Variants in ACSL5 observed in about 807,000 individuals in gnomAD.
The protein encoded by ACSL5 is long-chain-fatty-acid--CoA ligase 5.
ACSL5 carries 50 observed loss-of-function variants against 84.9 expected under a neutral mutation model. The observed-to-expected ratio is 0.59, with a 90% CI of 0.47 to 0.75. The LOEUF is 0.75. Among genes scored for constraint, ACSL5 ranks in the 30% least tolerant of loss-of-function variants. ACSL5 has a pLI of 0.00. For missense variants in ACSL5, 775 were observed against 830.4 expected (o/e 0.93, Z 0.82); for synonymous variants, 280 against 300.7 (o/e 0.93, Z 0.71).
At chr10:112,411,627 T>TATAC in intron 10 of ACSL5, 98 bp downstream of exon 10, 1 of 820,982 alleles carries the variant, frequency 1.2e-6, no homozygotes, top group Non-Finnish European at 1.9e-6. Context: ...CACACACACA[T>TATAC]ACACACACAC....
chr10:112,421,325 AT>A (rs1290858937), intron 14 of ACSL5, among the ~76,000 whole-genome samples: 1 of 150,084 alleles, frequency 6.7e-6, no homozygotes, highest in African/African-American at 2.5e-5. Flanking sequence ...TGCCCAGCTA[AT>A]TTTTTTTGTG....
intron 12 of ACSL5, among the ~76,000 whole-genome samples, chr10:112,415,739 T>A (rs1192519606): frequency 6.6e-6 from 1 of 152,234 alleles, no homozygotes; most frequent in Non-Finnish European, 1.5e-5. Context: ...AATGGGGTTA[T>A]AAACATGGAA....
At chr10:112,424,856 T>C (rs1844608609) in intron 17 of ACSL5, 2 of 152,464 alleles carry the variant, frequency 1.3e-5, no homozygotes, top group South Asian at 4.1e-4. Context: ...GTAATTGAGT[T>C]GCTTGATTAG....
chr10:112,426,611 G>T, intron 19 of ACSL5, 177 bp from the exon 20 acceptor site: 1 of 638,886 alleles, frequency 1.6e-6, no homozygotes, highest in Non-Finnish European at 2.7e-6. Flanking sequence ...TTAACACTTA[G>T]ATGTGCCTTT....
At chr10:112,415,815 C>T (rs1844301179) in intron 12 of ACSL5, among the ~76,000 whole-genome samples, 1 of 152,170 alleles carries the variant, frequency 6.6e-6, no homozygotes, top group Non-Finnish European at 1.5e-5. Flanking sequence ...TTGAATCTGA[C>T]TTCCAGTAGG....
chr10:112,424,641 G>T (rs928404365), intron 17 of ACSL5: 1 of 152,224 alleles, frequency 6.6e-6, no homozygotes, highest in African/African-American at 2.4e-5. Flanking sequence ...AGTCGGCCTT[G>T]TGATAGTTCC....
rs201347320 is a variant in ACSL5 at position 112,408,412 on chromosome 10, C to T, written c.433-10C>T. 188 of 1,583,628 alleles carry T rather than the reference C, an allele frequency of 1.2e-4. 1 individual carries two copies. The African/African-American group carries it at 2.2e-3, about 18-fold the overall frequency. On this transcript the variant is annotated splice_polypyrimidine_tract_variant and intron_variant, in intron 5 of 20. Transcript: ENST00000354655. ...CCCTCCAGTCCTTACTTGAACTTCT[C>T]TCTGTACAGTGGATCATCTCCGAAT...
At chr10:112,385,130 C>A (rs778441596) in intron 1 of ACSL5, among the ~76,000 whole-genome samples, 10 of 152,182 alleles carry the variant, frequency 6.6e-5, no homozygotes, top group African/African-American at 1.2e-4. Context: ...AATACATGAA[C>A]CTGCGTGCCA....
intron 3 of ACSL5, among the ~76,000 whole-genome samples, 161 bp downstream of exon 3, chr10:112,399,170 G>A (rs887092301): frequency 2.6e-5 from 4 of 152,154 alleles, no homozygotes; most frequent in Non-Finnish European, 5.9e-5. Flanking sequence ...ATAGTATTAG[G>A]ATGGGCGTTG....
Position 112,411,541 on chromosome 10 carries a change from GTTGAAAAAGAGGCTCTCATTAAAA to G in ACSL5, c.870+14_870+37del, listed in dbSNP as rs766426236. 2.9e-5 allele frequency: 46 copies of G among 1,608,406 alleles called. 1 individual carries two copies. The East Asian group carries it at 9.6e-4, about 34-fold the overall frequency. ...TCAAATGTGTGGAGGTCAGTGGTCA[GTTGAAAAAGAGGCTCTCATTAAAA>G]TGTGAATCTGTCATAAGATTTTTAT... On this transcript the variant is annotated intron_variant, in intron 10 of 20. Transcript: ENST00000354655.
At chr10:112,412,097 G>A in intron 11 of ACSL5, 118 bp downstream of exon 11, 2 of 1,084,442 alleles carry the variant, frequency 1.8e-6, no homozygotes, top group Non-Finnish European at 1.4e-6. Context: ...GAGAGGTGCA[G>A]GCAAGGAGTT....
At chr10:112,375,191 G>A (rs1001812192) in intron 1 of ACSL5, 3 of 152,188 alleles carry the variant, frequency 2.0e-5, no homozygotes, top group Non-Finnish European at 2.9e-5. Context: ...CTCTCCTCTA[G>A]AGGAAGTTGC....
rs1310516510 is a variant in ACSL5 at position 112,427,240 on chromosome 10, C to T, written c.1934C>T (p.Pro645Leu). Residue 645 changes from proline to leucine, a missense_variant, in exon 21 of 21, where the codon CCA (proline) becomes CTA (leucine). By Grantham distance (98) the Pro-to-Leu change is moderately conservative. Transcript: ENST00000354655. Reference protein sequence around the residue: ...FEQVKAIFLHPEPFSIENGLL... With the variant: ...FEQVKAIFLHLEPFSIENGLL... The stretch of plus-strand genomic sequence containing the variant: ...CAGGTCAAAGCCATTTTTCTTCATC[C>T]AGAGCCATTTTCCATTGAAAATGGG... 3.7e-6 allele frequency: 6 copies of T among 1,612,156 alleles called. No homozygotes were observed. The highest frequency in any genetic ancestry group is 5.1e-6 in the Non-Finnish European group (6 of 1,179,380).
Position 112,427,779 on chromosome 10 carries a change from A to C in ACSL5, c.*421A>C, listed in dbSNP as rs1028608060. 6.5e-6 allele frequency: 1 copy of C among 153,658 alleles called. No individual in the cohort carries two copies. Among genetic ancestry groups the C allele is most frequent in the Non-Finnish European group, 1.4e-5 (1 of 69,104 alleles). 9.5% of individuals were successfully genotyped at this position (153,658 alleles called of 1,614,324 possible). On this transcript the variant is annotated 3_prime_UTR_variant, in exon 21 of 21. Coordinates refer to ENST00000354655, the MANE Select transcript of ACSL5 (RefSeq NM_203379.2). ...TGCTTATTTACATCTTCTACTGTTC[A>C]AACTAAGAGATTTTTAAATTCTGAA...
At chr10:112,410,041 C>T (rs112635889) in intron 7 of ACSL5, 9 of 357,790 alleles carry the variant, frequency 2.5e-5, no homozygotes, top group African/African-American at 8.9e-5. Flanking sequence ...TCTCTCGGTC[C>T]GTAAAATGGT....
intron 1 of ACSL5, among the ~76,000 whole-genome samples, chr10:112,387,462 T>A (rs945191333): frequency 5.9e-5 from 9 of 152,204 alleles, no homozygotes; most frequent in African/African-American, 1.9e-4. Context: ...TTTGGGTTTG[T>A]CTAGAAATAC....
chr10:112,417,209 A>AAAAAAAAC (rs1424566846), intron 13 of ACSL5, among the ~76,000 whole-genome samples, 187 bp downstream of exon 13: 1 of 150,722 alleles, frequency 6.6e-6, no homozygotes, highest in Non-Finnish European at 1.5e-5. Context: ...TTTAAAAAAA[A>AAAAAAAAC]AAAAAAAAGC....
At chr10:112,422,554 AG>A (rs1844493051) in intron 17 of ACSL5, 113 bp downstream of exon 17, 1 of 977,424 alleles carries the variant, frequency 1.0e-6, no homozygotes, top group African/African-American at 1.6e-5. Context: ...AGGCAGCTGG[AG>A]GGGATTAGGT....
chr10:112,413,024 T>C, intron 11 of ACSL5, 149 bp from the exon 12 acceptor site: 1 of 741,172 alleles, frequency 1.3e-6, no homozygotes. Context: ...AGTGTCTGTG[T>C]GCCTCAGCCC....
Sources: allele counts gnomAD v4.1 joint callset (sites outside exome capture counted in the v4.1 genomes callset), GRCh38; gene constraint gnomAD v4.1.1; transcripts MANE v1.5; gene names NCBI Gene and HGNC (gene_info 2026-07-23, HGNC 2026-07-21).